The following FGF14 variants were observed in gnomAD, a reference collection of about 807,000 sequenced individuals.
FGF14 encodes the protein fibroblast growth factor homologous factor 4.
FGF14 carries 5 observed loss-of-function variants against 25.5 expected under a neutral mutation model. That is an observed-to-expected ratio of 0.20 (90% CI 0.10 to 0.41). The LOEUF is 0.41. Among genes scored for constraint, FGF14 ranks in the 10% least tolerant of loss-of-function variants. FGF14 has a pLI of 1.00. For synonymous variants in FGF14, 138 were observed against 118.3 expected, an observed-to-expected ratio of 1.17 and a Z score of -1.08; for missense variants, 222 against 320.1, an observed-to-expected ratio of 0.69 and a Z score of 2.34.
chr13:102,259,816 T>A (rs955796424), intron 1 of FGF14, among the ~76,000 whole-genome samples: 2 of 152,228 alleles, frequency 1.3e-5, no homozygotes, highest in Admixed American at 6.5e-5. Context: ...GAGCCCGAAG[T>A]AGGAATCTGT....
At chr13:101,732,171 C>T (rs1478501797) in intron 3 of FGF14, among the ~76,000 whole-genome samples, 2 of 152,134 alleles carry the variant, frequency 1.3e-5, no homozygotes, top group Non-Finnish European at 1.5e-5. Flanking sequence ...TGTTCTGTTA[C>T]GAGCCCAGGC....
chr13:101,837,869 G>A (rs2043003369), intron 3 of FGF14, among the ~76,000 whole-genome samples: 1 of 152,010 alleles, frequency 6.6e-6, no homozygotes, highest in African/African-American at 2.4e-5. Context: ...TCAGTGGACT[G>A]GGAATGCAGA....
At chr13:102,024,826 C>A (rs537846917) in intron 1 of FGF14, among the ~76,000 whole-genome samples, 2 of 151,622 alleles carry the variant, frequency 1.3e-5, no homozygotes, top group Admixed American at 6.6e-5. Flanking sequence ...ATTCCAGCAC[C>A]ATTTGTTAAA....
intron 1 of FGF14, among the ~76,000 whole-genome samples, chr13:101,984,269 C>G (rs1470064091): frequency 6.6e-6 from 1 of 152,060 alleles, no homozygotes; most frequent in African/African-American, 2.4e-5. Flanking sequence ...GTATTTCACA[C>G]TAAAACATGA....
At chr13:101,991,872 C>T (rs986444052) in intron 1 of FGF14, among the ~76,000 whole-genome samples, 1 of 152,064 alleles carries the variant, frequency 6.6e-6, no homozygotes, top group Non-Finnish European at 1.5e-5. Context: ...AGAAAAATCC[C>T]CTCATGTTTC....
chr13:102,359,959 T>C (rs1022667482), intron 1 of FGF14, among the ~76,000 whole-genome samples: 12 of 151,526 alleles, frequency 7.9e-5, no homozygotes, highest in African/African-American at 2.2e-4. Context: ...CAGAATAACA[T>C]AGAATGAGTA....
At chr13:101,848,468 A>G (rs1400987118) in intron 3 of FGF14, among the ~76,000 whole-genome samples, 1 of 152,052 alleles carries the variant, frequency 6.6e-6, no homozygotes, top group African/African-American at 2.4e-5. Context: ...AAACAAGAGA[A>G]AGGAGGAGGC....
intron 3 of FGF14, among the ~76,000 whole-genome samples, chr13:101,735,122 A>G (rs2036087770): frequency 6.6e-6 from 1 of 152,138 alleles, no homozygotes; most frequent in African/African-American, 2.4e-5. Context: ...AGGTTGATTC[A>G]ATCAAAACTA....
intron 1 of FGF14, among the ~76,000 whole-genome samples, chr13:101,925,317 A>G (rs560063851): frequency 2.0e-4 from 31 of 152,348 alleles, no homozygotes; most frequent in African/African-American, 7.5e-4. Flanking sequence ...AAGCCAGTGC[A>G]TCAAAGACCA....
At chr13:101,868,900 A>G in intron 2 of FGF14, 72 bp from the exon 3 acceptor site, 1 of 930,726 alleles carries the variant, frequency 1.1e-6, no homozygotes, top group East Asian at 2.4e-5. Context: ...TTTCTTTCTG[A>G]TTTATTTTAT....
intron 1 of FGF14, among the ~76,000 whole-genome samples, chr13:102,116,298 A>T (rs2045467444): frequency 6.6e-6 from 1 of 152,188 alleles, no homozygotes; most frequent in African/African-American, 2.4e-5. Flanking sequence ...ACAGTTTGAG[A>T]GTTCCTCAAA....
intron 1 of FGF14, among the ~76,000 whole-genome samples, chr13:101,981,312 C>G (rs561913117): frequency 6.6e-6 from 1 of 152,174 alleles, no homozygotes; most frequent in African/African-American, 2.4e-5. Flanking sequence ...CCCCAGTAAG[C>G]TGCCTTGCCC....
At chr13:102,120,136 C>T (rs571450909) in intron 1 of FGF14, among the ~76,000 whole-genome samples, 17 of 152,014 alleles carry the variant, frequency 1.1e-4, no homozygotes, top group East Asian at 3.9e-4. Context: ...CCTTTTTGGA[C>T]GGCCAAACAA....
At chr13:101,980,823 T>C (rs1566527820) in intron 1 of FGF14, among the ~76,000 whole-genome samples, 1 of 152,134 alleles carries the variant, frequency 6.6e-6, no homozygotes, top group African/African-American at 2.4e-5. Flanking sequence ...GGTATTATGG[T>C]CTGAGTTGTT....
chr13:101,907,694 AC>A (rs1019807104), intron 1 of FGF14, among the ~76,000 whole-genome samples: 1 of 152,166 alleles, frequency 6.6e-6, no homozygotes, highest in African/African-American at 2.4e-5. Context: ...GAAATGCATA[AC>A]CAAGAGGGGA....
Position 101,714,810 on chromosome 13 carries a change from C to T in FGF14, c.*8021G>A. On this transcript the variant is annotated 3_prime_UTR_variant, in exon 5 of 5. Coordinates refer to ENST00000376143, the MANE Select transcript of FGF14 (RefSeq NM_004115.4). ...TTCCACAAAGTAACCTCCCCACCCT[C>T]AAACTCACATGTATGCAGTTGTATA... The T allele has an allele frequency of 2.1e-6, 1 of 485,064 alleles. No individual in the cohort carries two copies. The highest frequency in any genetic ancestry group is 3.7e-6 in the Non-Finnish European group (1 of 271,476). The allele number at this position is 485,064 out of a possible 1,614,324, so 30.0% of individuals were successfully genotyped here. A position where few individuals can be genotyped will look rare whatever the true frequency, so the allele number is the denominator to read the frequency against.
At chr13:102,321,419 C>G (rs1275218728) in intron 1 of FGF14, among the ~76,000 whole-genome samples, 2 of 152,082 alleles carry the variant, frequency 1.3e-5, no homozygotes, top group Non-Finnish European at 2.9e-5. Flanking sequence ...AACAATGCAA[C>G]ATATAGAATA....
intron 1 of FGF14, among the ~76,000 whole-genome samples, chr13:102,037,808 C>G (rs998156391): frequency 2.6e-5 from 4 of 152,154 alleles, no homozygotes. Flanking sequence ...TTCCTGTCCT[C>G]AGGCTTGATA....
intron 1 of FGF14, among the ~76,000 whole-genome samples, chr13:102,308,348 C>T (rs957740982): frequency 6.6e-6 from 1 of 152,138 alleles, no homozygotes; most frequent in Admixed American, 6.5e-5. Flanking sequence ...ATTGGATGTC[C>T]ACTATGAGCA....
Sources: allele counts gnomAD v4.1 joint callset (sites outside exome capture counted in the v4.1 genomes callset), GRCh38; gene constraint gnomAD v4.1.1; transcripts MANE v1.5; gene names NCBI Gene and HGNC (gene_info 2026-07-23, HGNC 2026-07-21).